HELZ: variants seen among roughly 807,000 people sequenced by gnomAD.
HELZ encodes ATP-dependent RNA helicase with zinc finger domain.
HELZ carries 23 observed loss-of-function variants against 218.2 expected under a neutral mutation model. The ratio of observed to expected loss-of-function variants is 0.11; its 90% CI spans 0.08 to 0.15. The LOEUF (loss-of-function observed/expected upper bound fraction) is 0.15, where lower values mean the gene tolerates loss of function less well. HELZ is among the 10% of genes least tolerant of loss of function. The pLI is 1.00. For synonymous variants in HELZ, 814 were observed against 829.4 expected, an observed-to-expected ratio of 0.98 and a Z score of 0.32; for missense variants, 1,813 against 2,353.7, an observed-to-expected ratio of 0.77 and a Z score of 4.75.
At chr17:67,127,841 C>CAA (rs5821488) in intron 24 of HELZ, among the ~76,000 whole-genome samples, 64 of 117,958 alleles carry the variant, frequency 5.4e-4, no homozygotes, top group East Asian at 1.9e-3. Flanking sequence ...GATCCCCTCT[C>CAA]AAAAAAAAAA....
intron 5 of HELZ, among the ~76,000 whole-genome samples, chr17:67,208,225 AAAC>A (rs1361711281): frequency 1.3e-5 from 2 of 152,194 alleles, no homozygotes; most frequent in Non-Finnish European, 2.9e-5. Flanking sequence ...CCTGAGAAAG[AAAC>A]AACAAAAAAA....
chr17:67,181,010 G>A (rs1212111956), intron 12 of HELZ, among the ~76,000 whole-genome samples: 4 of 151,772 alleles, frequency 2.6e-5, no homozygotes, highest in Non-Finnish European at 4.4e-5. Flanking sequence ...CCAAGATCGC[G>A]CCACTGCACT....
At chr17:67,123,904 T>G (rs1463210222) in intron 25 of HELZ, 59 bp downstream of exon 25, 4 of 1,204,450 alleles carry the variant, frequency 3.3e-6, no homozygotes, top group Non-Finnish European at 4.9e-6. Flanking sequence ...GTGGTGAAAT[T>G]TGGGGAAAAT....
chr17:67,225,447 C>G (rs1341960160), intron 3 of HELZ: 2 of 154,464 alleles, frequency 1.3e-5, no homozygotes, highest in African/African-American at 2.4e-5. Flanking sequence ...AGAGTAAAAA[C>G]TCAAAGTCCA....
At chr17:67,132,218 C>CTG (rs57691319) in intron 23 of HELZ, among the ~76,000 whole-genome samples, 6,152 of 147,930 alleles carry the variant, frequency 0.042, 146 homozygotes, top group East Asian at 0.075. Context: ...CCTTAGGTCA[C>CTG]TGTGTGTGTG....
intron 3 of HELZ, among the ~76,000 whole-genome samples, chr17:67,221,137 G>C (rs1228591098): frequency 6.6e-6 from 1 of 152,114 alleles, no homozygotes; most frequent in African/African-American, 2.4e-5. Context: ...ATATAGTCCA[G>C]ATATAAAATA....
chr17:67,145,966 C>T, intron 20 of HELZ, 76 bp from the exon 21 acceptor site: 3 of 1,130,090 alleles, frequency 2.7e-6, no homozygotes, highest in Non-Finnish European at 3.8e-6. Flanking sequence ...AAAAAAAAAT[C>T]AGTCGATTCT....
intron 31 of HELZ, among the ~76,000 whole-genome samples, chr17:67,090,421 C>T (rs2036543901): frequency 6.6e-6 from 1 of 152,078 alleles, no homozygotes; most frequent in Admixed American, 6.6e-5. Context: ...TGGCCATATA[C>T]AATAAATTGA....
At chr17:67,172,279 T>C (rs1349608447) in intron 13 of HELZ, among the ~76,000 whole-genome samples, 3 of 152,216 alleles carry the variant, frequency 2.0e-5, no homozygotes, top group African/African-American at 7.2e-5. Flanking sequence ...CATGGGGCCC[T>C]TGTGCATTCC....
intron 12 of HELZ, among the ~76,000 whole-genome samples, chr17:67,185,301 G>A (rs61009780): frequency 3.2e-3 from 486 of 152,216 alleles, no homozygotes; most frequent in African/African-American, 0.011. Context: ...GGACTCTCCC[G>A]TGATAATCAA....
chr17:67,217,237 T>C (rs2040622935), intron 4 of HELZ, among the ~76,000 whole-genome samples: 1 of 152,266 alleles, frequency 6.6e-6, no homozygotes, highest in Non-Finnish European at 1.5e-5. Flanking sequence ...ATTCTTCCAA[T>C]TGCTCAGACA....
intron 3 of HELZ, among the ~76,000 whole-genome samples, chr17:67,220,155 T>G (rs9903264): frequency 1 from 151,865 of 152,308 alleles, 75,711 homozygotes; most frequent in East Asian, 1. Flanking sequence ...TCTCGGCTTT[T>G]ATAATGACAC....
rs202210643 is a variant in HELZ, at chr17:67,108,703, G to C, written c.4513C>G (p.Leu1505Val). Residue 1505 changes from leucine (L) to valine (V), a missense_variant, in exon 30 of 33, where the codon CTG (leucine) becomes GTG (valine). By Grantham distance (32) the Leu-to-Val change is conservative. Around this residue, in one of 4 missense-constraint regions of HELZ, gnomAD observed 938 missense variants for 1,027.5 expected, o/e 0.91. Coordinates refer to ENST00000358691, the MANE Select transcript of HELZ (RefSeq NM_014877.4). The surrounding 1 kb of genome is among the most constrained non-coding windows in gnomAD (Gnocchi z 4.1). ...GCCTGCTGCTGCCTTAATGTTTCCA[G>C]AGCGACACTCCCATGTATACGATCT... ...ALDRIHGSVA[L>V]ETLRQQQARF... 1 of 1,611,484 alleles carries C rather than the reference G, an allele frequency of 6.2e-7. No homozygotes were observed. Among genetic ancestry groups the C allele is most frequent in the Non-Finnish European group, 8.5e-7 (1 of 1,178,028 alleles).
chr17:67,103,681 A>C (rs2036998532), intron 31 of HELZ, among the ~76,000 whole-genome samples: 1 of 152,220 alleles, frequency 6.6e-6, no homozygotes. Context: ...ATTAATCTAG[A>C]GATTTAAAGC....
intron 6 of HELZ, among the ~76,000 whole-genome samples, chr17:67,202,740 A>G (rs2040200028): frequency 1.3e-5 from 2 of 152,356 alleles, no homozygotes; most frequent in Middle Eastern, 3.4e-3. Flanking sequence ...CATATCTTCA[A>G]AGAAAATCAC....
intron 31 of HELZ, among the ~76,000 whole-genome samples, chr17:67,092,416 G>C (rs2036599053): frequency 6.6e-6 from 1 of 152,072 alleles, no homozygotes; most frequent in African/African-American, 2.4e-5. Context: ...GGAAGATGAA[G>C]GGATAAAATT....
intron 5 of HELZ, among the ~76,000 whole-genome samples, chr17:67,205,712 A>G (rs1398743103): frequency 5.3e-5 from 8 of 152,236 alleles, no homozygotes; most frequent in Admixed American, 5.2e-4. Flanking sequence ...ATCACATAAC[A>G]TTTTACAAAC....
intron 21 of HELZ, among the ~76,000 whole-genome samples, chr17:67,140,346 C>A (rs2038284744): frequency 6.6e-6 from 1 of 152,174 alleles, no homozygotes; most frequent in Admixed American, 6.5e-5. Context: ...GGCTCACAAA[C>A]TGGCAAAATT....
In HELZ at chr17:67,193,975, C is replaced by T; in HGVS notation, c.549G>A (p.Leu183=). 3.1e-6 allele frequency: 5 copies of T among 1,613,300 alleles called. No individual in the cohort carries two copies. The highest frequency in any genetic ancestry group is 4.2e-6 in the Non-Finnish European group (5 of 1,179,654). The change falls in exon 9 of 33, where the codon TTG becomes TTA. Residue 183 remains leucine, a synonymous_variant. Coordinates refer to ENST00000358691, the MANE Select transcript of HELZ (RefSeq NM_014877.4). Reference sequence around the variant, plus strand: ...AAAAAAATTCACATTACCTTTTACACAAAGTATATTCCTCGCTGCTTGTGA... The same window carrying T: ...AAAAAAATTCACATTACCTTTTACATAAAGTATATTCCTCGCTGCTTGTGA... ...RGITSSEEYT[L]CKRFLEQGIC...
Sources: allele counts gnomAD v4.1 joint callset (sites outside exome capture counted in the v4.1 genomes callset), GRCh38; gene constraint gnomAD v4.1.1; regional missense constraint gnomAD v4.1.1; non-coding constraint Gnocchi (gnomAD v3.1); transcripts MANE v1.5; gene names NCBI Gene and HGNC (gene_info 2026-07-23, HGNC 2026-07-21).